The following WDR62 variants were observed in gnomAD, a reference collection of about 807,000 sequenced individuals.
WDR62 encodes the protein WD repeat-containing protein 62.
Under a neutral mutation model 160.6 loss-of-function variants are expected in WDR62, and 112 were observed. The observed-to-expected ratio is 0.70, with a 90% CI of 0.60 to 0.82. The LOEUF is 0.82. Ranked by LOEUF, WDR62 falls within the 40% of genes least tolerant of loss-of-function variation. The pLI, the probability that WDR62 is intolerant of heterozygous loss-of-function variation, is 0.00. For missense variants in WDR62, 1,819 were observed against 1,983.8 expected (o/e 0.92, Z 1.58); for synonymous variants, 792 against 815.1 (o/e 0.97, Z 0.48).
At chr19:36,082,334 G>A (rs371053755) in intron 10 of WDR62, among the ~76,000 whole-genome samples, 7 of 152,180 alleles carry the variant, frequency 4.6e-5, no homozygotes, top group Admixed American at 2.0e-4. Flanking sequence ...AGCTTCCCGC[G>A]GAAGGGACAG....
chr19:36,069,360 G>C (rs1030798999), intron 7 of WDR62, among the ~76,000 whole-genome samples: 2 of 151,958 alleles, frequency 1.3e-5, no homozygotes, highest in African/African-American at 4.8e-5. Context: ...ACAGGGTCGC[G>C]GCCGGGTAGA....
chr19:36,064,492 G>T (rs1268478393), intron 3 of WDR62, among the ~76,000 whole-genome samples: 1 of 151,890 alleles, frequency 6.6e-6, no homozygotes, highest in Non-Finnish European at 1.5e-5. Context: ...TGTTAGCCAG[G>T]GTGGTCTCGA....
chr19:36,099,250 A>G (rs1973170621), intron 21 of WDR62, 149 bp from the exon 22 acceptor site: 3 of 643,416 alleles, frequency 4.7e-6, no homozygotes, highest in Non-Finnish European at 8.1e-6. Context: ...AAAAACAGAG[A>G]AAGGTTCACG....
At chr19:36,068,944 AC>A (rs546007428) in intron 7 of WDR62, among the ~76,000 whole-genome samples, 6 of 144,738 alleles carry the variant, frequency 4.1e-5, no homozygotes, top group Admixed American at 4.1e-4. Flanking sequence ...GGGCAGAGGC[AC>A]CCCCCATCTC....
intron 22 of WDR62, 127 bp downstream of exon 22, chr19:36,099,744 G>A: frequency 2.1e-6 from 2 of 956,056 alleles, no homozygotes; most frequent in Non-Finnish European, 3.2e-6. Context: ...AGGGCAGGAG[G>A]GTGAGCCCCA....
chr19:36,083,342 A>G (rs1211552049), intron 11 of WDR62, 101 bp downstream of exon 11: 1 of 1,201,728 alleles, frequency 8.3e-7, no homozygotes. Flanking sequence ...CCTGCTGCCC[A>G]TTGGGAATGA....
intron 1 of WDR62, among the ~76,000 whole-genome samples, chr19:36,057,681 AT>A (rs1292619152): frequency 2.6e-5 from 4 of 151,852 alleles, no homozygotes; most frequent in Non-Finnish European, 5.9e-5. Context: ...CACCTGACTA[AT>A]TTTTTTGTAT....
At chr19:36,108,486 T>C (rs1037834007), downstream of WDR62, among the ~76,000 whole-genome samples, 2 of 150,068 alleles carry the variant, frequency 1.3e-5, no homozygotes, top group South Asian at 2.1e-4. Context: ...AAGCCAACAA[T>C]TGCAAAATGG....
rs567984561 is a variant in WDR62 at position 36,104,488 on chromosome 19, A to G, written c.4154-30A>G. ...CGCTCACACCAATGGAATGCAGCTC[A>G]TCTTGCTCATTCCCTTCTCTCTACC... is the stretch of plus-strand genomic sequence containing the variant. On this transcript the variant is annotated intron_variant, in intron 30 of 31. Transcript: ENST00000401500. The G allele has an allele frequency of 1.2e-4, 187 of 1,612,374 alleles. 1 individual carries two copies. In the South Asian group the frequency reaches 1.9e-3, roughly 16 times the overall value.
chr19:36,073,239 A>G, intron 8 of WDR62, 103 bp from the exon 9 acceptor site: 2 of 1,085,930 alleles, frequency 1.8e-6, no homozygotes, highest in South Asian at 1.3e-5. Context: ...CACAAATACC[A>G]TGAGGGATGG....
intron 11 of WDR62, among the ~76,000 whole-genome samples, chr19:36,083,897 G>T (rs1485652229): frequency 1.3e-5 from 2 of 152,126 alleles, no homozygotes; most frequent in African/African-American, 4.8e-5. Flanking sequence ...AGAAAGTGCC[G>T]ATTTTTTTCT....
chr19:36,071,519 A>C (rs746037691), intron 7 of WDR62, 37 bp from the exon 8 acceptor site: 15 of 1,614,064 alleles, frequency 9.3e-6, no homozygotes, highest in Non-Finnish European at 1.2e-5. Flanking sequence ...GGCCACGTGA[A>C]GCACCAAATC....
intron 9 of WDR62, among the ~76,000 whole-genome samples, chr19:36,080,666 G>A (rs1971843146): frequency 6.6e-6 from 1 of 151,464 alleles, no homozygotes. Context: ...CCATGTTGAG[G>A]CTGGTCTCAA....
In WDR62 at chr19:36,086,798, C is replaced by G; in HGVS notation, c.1754C>G (p.Ala585Gly). ...GATGACCACTCCTCCTCCATCACCGCCATCAAGTTCGCTGGTGAGCCCCTT... is the reference window on the plus strand; with the variant it reads ...GATGACCACTCCTCCTCCATCACCGGCATCAAGTTCGCTGGTGAGCCCCTT... ...TLDDHSSSIT[A>G]IKFAGNRDIQ... The change falls in exon 13 of 32, where the codon GCC (alanine) becomes GGC (glycine). Residue 585 changes from alanine (A) to glycine (G), a missense_variant. Physicochemically the swap from Ala to Gly is moderately conservative, Grantham distance 60. Around this residue, in one of 3 missense-constraint regions of WDR62, gnomAD observed 934 missense variants for 1,157.2 expected, o/e 0.81. Coordinates refer to ENST00000401500, the MANE Select transcript of WDR62 (RefSeq NM_001083961.2). 6.2e-7 allele frequency: 1 copy of G among 1,609,878 alleles called. No homozygotes were observed. Among genetic ancestry groups the G allele is most frequent in the Non-Finnish European group, 8.5e-7 (1 of 1,177,832 alleles).
downstream of WDR62, among the ~76,000 whole-genome samples, chr19:36,107,628 G>T (rs548624536): frequency 2.0e-5 from 3 of 151,862 alleles, no homozygotes; most frequent in African/African-American, 7.3e-5. Flanking sequence ...TGAGTCCCAG[G>T]CAACAGGAAT....
At chr19:36,073,659 AG>A (rs1568337464) in intron 9 of WDR62, 128 bp downstream of exon 9, 2 of 800,262 alleles carry the variant, frequency 2.5e-6, no homozygotes, top group Admixed American at 2.0e-5. Context: ...GCCCTGTCCT[AG>A]GTGCTGAGGA....
At chr19:36,065,265 A>G (rs1970872944) in intron 3 of WDR62, among the ~76,000 whole-genome samples, 3 of 152,268 alleles carry the variant, frequency 2.0e-5, no homozygotes, top group South Asian at 2.1e-4. Context: ...AGTCTCACTT[A>G]GCGACATTTA....
chr19:36,065,227 G>T (rs1457983632), intron 3 of WDR62, among the ~76,000 whole-genome samples: 1 of 150,460 alleles, frequency 6.6e-6, no homozygotes, highest in African/African-American at 2.5e-5. Context: ...AGGTTGACTT[G>T]ATGATGAATA....
At chr19:36,092,639 C>T in intron 18 of WDR62, 50 bp from the exon 19 acceptor site, 1 of 1,612,674 alleles carries the variant, frequency 6.2e-7, no homozygotes, top group South Asian at 1.1e-5. Flanking sequence ...GGCAGCGGCT[C>T]CCATGCTTAC....
Sources: allele counts gnomAD v4.1 joint callset (sites outside exome capture counted in the v4.1 genomes callset), GRCh38; gene constraint gnomAD v4.1.1; regional missense constraint gnomAD v4.1.1; transcripts MANE v1.5; gene names NCBI Gene and HGNC (gene_info 2026-07-23, HGNC 2026-07-21).